Variants in PPME1 observed in about 807,000 individuals in gnomAD.
PPME1 encodes testicular secretory protein Li 39.
A neutral mutation model predicts 56.9 loss-of-function variants in PPME1; 17 were observed. That is an observed-to-expected ratio of 0.30 (90% CI 0.20 to 0.45). The LOEUF is 0.45. Among genes scored for constraint, PPME1 ranks in the 20% least tolerant of loss-of-function variants. PPME1 has a pLI of 1.00. For synonymous variants in PPME1, 122 were observed against 156.2 expected (o/e 0.78, Z 1.63); for missense variants, 357 against 483.2 (o/e 0.74, Z 2.45).
chr11:74,242,878 C>CAAAAAAAAAAAAAAAAAA (rs5792649), intron 9 of PPME1, among the ~76,000 whole-genome samples: 1 of 61,372 alleles, frequency 1.6e-5, no homozygotes, highest in Non-Finnish European at 2.9e-5. Context: ...GACTCTGTCT[C>CAAAAAAAAAAAAAAAAAA]AAAAAAAAAA....
intron 3 of PPME1, among the ~76,000 whole-genome samples, chr11:74,216,779 A>G (rs1858657861): frequency 6.6e-6 from 1 of 152,196 alleles, no homozygotes; most frequent in South Asian, 2.1e-4. Context: ...AATCAGATGA[A>G]AAAGGAGACA....
At chr11:74,208,476 G>C (rs74965389) in intron 3 of PPME1, among the ~76,000 whole-genome samples, 3,481 of 152,194 alleles carry the variant, frequency 0.023, 127 homozygotes, top group African/African-American at 0.078. Flanking sequence ...AAATCTAATA[G>C]GGAAGGTAAG....
chr11:74,229,076 G>A lies in PPME1; in HGVS notation c.399-1169G>A, dbSNP rs552502109. ...CCCATTCAGATTGTCTACAATTGCCGAGGCTACCCTATTCACTCCTGCAGT... is the reference window on the plus strand; with the variant it reads ...CCCATTCAGATTGTCTACAATTGCCAAGGCTACCCTATTCACTCCTGCAGT... On this transcript the variant is annotated intron_variant, in intron 5 of 13. Transcript: ENST00000328257. 2.0e-4 allele frequency among the ~76,000 whole-genome samples: 30 copies of A among 152,210 alleles called. No individual in the cohort carries two copies. The South Asian group carries it at 6.0e-3, about 31-fold the overall frequency.
chr11:74,215,734 G>A (rs1049947078), intron 3 of PPME1, among the ~76,000 whole-genome samples: 2 of 152,054 alleles, frequency 1.3e-5, no homozygotes, highest in Non-Finnish European at 2.9e-5. Flanking sequence ...ACAAAAACAA[G>A]ACCCACTGAC....
chr11:74,199,489 G>A (rs180874494), intron 1 of PPME1, among the ~76,000 whole-genome samples: 15 of 152,062 alleles, frequency 9.9e-5, no homozygotes, highest in East Asian at 3.9e-4. Flanking sequence ...GGAGAGACAG[G>A]GTCTCACGGT....
intron 3 of PPME1, among the ~76,000 whole-genome samples, chr11:74,211,152 A>G (rs1232179254): frequency 6.6e-6 from 1 of 152,238 alleles, no homozygotes; most frequent in African/African-American, 2.4e-5. Flanking sequence ...TAAGACATTT[A>G]TGAAGAAAAC....
At chr11:74,213,530 C>A (rs929414130) in intron 3 of PPME1, among the ~76,000 whole-genome samples, 2 of 152,168 alleles carry the variant, frequency 1.3e-5, no homozygotes, top group Non-Finnish European at 2.9e-5. Context: ...TGGGTGAGTC[C>A]CAGTGTTGTG....
rs188938233 is a variant in PPME1, at chr11:74,253,469, C to T, written c.1143-23C>T. The T allele has an allele frequency of 1.3e-4, 201 of 1,601,002 alleles. No homozygotes were observed. In the African/African-American group the frequency reaches 2.3e-3, roughly 18 times the overall value. On this transcript the variant is annotated intron_variant, in intron 13 of 13. Transcript: ENST00000328257. The stretch of plus-strand genomic sequence containing the variant: ...CTATTGATAGTTACATTTGTTTTTC[C>T]TTCTCTTTCTGTTCTTCCACAGTGT...
In PPME1 at chr11:74,218,729, T is replaced by C. The variant is rs548682050; in HGVS notation, c.289-3583T>C. Among the ~76,000 whole-genome samples the C allele has an allele frequency of 5.3e-5, 8 of 152,268 alleles. No homozygotes were observed. The South Asian group carries it at 1.7e-3, about 32-fold the overall frequency. ...AAGAATGAAACTAAACCCCTATCTC[T>C]TGCCATATACAAAAATCAATAAAAA... On this transcript the variant is annotated intron_variant, in intron 3 of 13. Transcript: ENST00000328257.
chr11:74,173,089 TAGAG>T (rs930336578), intron 1 of PPME1, among the ~76,000 whole-genome samples: 5 of 151,972 alleles, frequency 3.3e-5, no homozygotes, highest in Admixed American at 6.6e-5. Context: ...CAGGAGGAGA[TAGAG>T]AGATAGACGC....
intron 8 of PPME1, 83 bp from the exon 9 acceptor site, chr11:74,239,050 A>C: frequency 2.3e-6 from 3 of 1,307,074 alleles, no homozygotes; most frequent in East Asian, 2.4e-5. Context: ...ATTTGATTAT[A>C]AAAGGCCGTA....
At chr11:74,200,404 C>T (rs950440483) in intron 1 of PPME1, among the ~76,000 whole-genome samples, 38 of 146,842 alleles carry the variant, frequency 2.6e-4, no homozygotes, top group African/African-American at 8.2e-4. Flanking sequence ...TGTGTGTGGA[C>T]GAAGTCTCGC....
chr11:74,192,900 A>G (rs1247227690), intron 1 of PPME1, among the ~76,000 whole-genome samples: 5 of 152,188 alleles, frequency 3.3e-5, no homozygotes, highest in Non-Finnish European at 7.4e-5. Flanking sequence ...ACCCAGTCTC[A>G]GGTATTATGT....
chr11:74,184,614 C>T (rs1258130909), intron 1 of PPME1, among the ~76,000 whole-genome samples: 1 of 152,172 alleles, frequency 6.6e-6, no homozygotes, highest in Non-Finnish European at 1.5e-5. Context: ...AAAATCTTCA[C>T]GCCAGATATC....
At chr11:74,251,373 C>G in intron 12 of PPME1, 1 of 1,359,338 alleles carries the variant, frequency 7.4e-7, no homozygotes, top group Non-Finnish European at 9.5e-7. Context: ...ATGGGCTCCT[C>G]CTGTGAGAAA....
chr11:74,238,994 C>A, intron 8 of PPME1, 139 bp from the exon 9 acceptor site: 2 of 861,250 alleles, frequency 2.3e-6, no homozygotes, highest in Non-Finnish European at 3.5e-6. Flanking sequence ...CCTGGAAATG[C>A]ACAATTCTAT....
intron 1 of PPME1, among the ~76,000 whole-genome samples, chr11:74,183,895 C>A (rs1857603578): frequency 6.6e-6 from 1 of 152,110 alleles, no homozygotes; most frequent in South Asian, 2.1e-4. Flanking sequence ...CACTCAGATG[C>A]AATGGAAACA....
At chr11:74,239,373 C>A in intron 9 of PPME1, 117 bp downstream of exon 9, 1 of 1,430,108 alleles carries the variant, frequency 7.0e-7, no homozygotes, top group Non-Finnish European at 9.3e-7. Flanking sequence ...TTTAGGGAGC[C>A]AAGACACTAT....
intron 9 of PPME1, among the ~76,000 whole-genome samples, chr11:74,241,658 T>A (rs979248847): frequency 2.0e-5 from 3 of 152,226 alleles, no homozygotes; most frequent in Non-Finnish European, 4.4e-5. Flanking sequence ...ACTTGTTATT[T>A]TCTCTCTTTT....
Sources: allele counts gnomAD v4.1 joint callset (sites outside exome capture counted in the v4.1 genomes callset), GRCh38; gene constraint gnomAD v4.1.1; transcripts MANE v1.5; gene names NCBI Gene and HGNC (gene_info 2026-07-23, HGNC 2026-07-21).